ERBB4: variants seen among roughly 807,000 people sequenced by gnomAD.
The protein encoded by ERBB4 is receptor tyrosine-protein kinase erbB-4.
ERBB4 carries 42 observed loss-of-function variants against 158.0 expected under a neutral mutation model. That is an observed-to-expected ratio of 0.27 (90% CI 0.21 to 0.34). The LOEUF (loss-of-function observed/expected upper bound fraction) is 0.34, where lower values mean the gene tolerates loss of function less well. Ranked by LOEUF, ERBB4 falls within the 10% of genes least tolerant of loss-of-function variation. ERBB4 has a pLI of 1.00. For synonymous variants in ERBB4, 583 were observed against 558.7 expected (o/e 1.04, Z -0.61); for missense variants, 1,333 against 1,624.1 (o/e 0.82, Z 3.08).
chr2:211,842,542 A>G (rs1413644157), intron 3 of ERBB4, among the ~76,000 whole-genome samples: 2 of 151,910 alleles, frequency 1.3e-5, no homozygotes, highest in African/African-American at 4.8e-5. Flanking sequence ...AATGTGTACA[A>G]CATAGAATAT....
At chr2:211,870,776 T>C (rs1311362147) in intron 3 of ERBB4, among the ~76,000 whole-genome samples, 3 of 152,138 alleles carry the variant, frequency 2.0e-5, no homozygotes, top group African/African-American at 4.8e-5. Context: ...CAGTGTCTAC[T>C]TGTATGAATT....
At chr2:212,353,178 C>T (rs1292011448) in intron 1 of ERBB4, among the ~76,000 whole-genome samples, 2 of 151,750 alleles carry the variant, frequency 1.3e-5, no homozygotes, top group African/African-American at 2.4e-5. Context: ...GCAATAAATG[C>T]ATGTCCTTAA....
rs145851108 is a variant in ERBB4 at position 212,479,577 on chromosome 2, A to C, written c.82+58872T>G. 9.2e-3 allele frequency among the ~76,000 whole-genome samples: 1,396 copies of C among 152,264 alleles called. 23 individuals are homozygous for C. The highest frequency in any genetic ancestry group is 0.032 in the African/African-American group (1,338 of 41,566). On this transcript the variant is annotated intron_variant, in intron 1 of 27. Coordinates refer to ENST00000342788, the MANE Select transcript of ERBB4 (RefSeq NM_005235.3). ...TCTCTCTTAGTATGAAGGTTCTATT[A>C]ACATCCCTACTTTAATGATTAAAAT...
chr2:211,819,328 G>A (rs983628615), intron 3 of ERBB4, among the ~76,000 whole-genome samples: 5 of 151,810 alleles, frequency 3.3e-5, no homozygotes, highest in Non-Finnish European at 7.4e-5. Context: ...TTAACAGGAA[G>A]ATATAAAAAT....
intron 20 of ERBB4, among the ~76,000 whole-genome samples, chr2:211,541,325 T>A (rs1444029468): frequency 6.6e-6 from 1 of 151,990 alleles, no homozygotes; most frequent in Non-Finnish European, 1.5e-5. Context: ...TTTTTGTGTC[T>A]CCCTAGACTA....
chr2:212,447,788 G>A (rs970209196), intron 1 of ERBB4, among the ~76,000 whole-genome samples: 4 of 151,780 alleles, frequency 2.6e-5, no homozygotes, highest in Non-Finnish European at 4.4e-5. Flanking sequence ...GTGTGTGTGT[G>A]TGTGTGTGTG....
intron 5 of ERBB4, among the ~76,000 whole-genome samples, chr2:211,727,370 T>A (rs2074300898): frequency 6.6e-6 from 1 of 152,114 alleles, no homozygotes; most frequent in Non-Finnish European, 1.5e-5. Flanking sequence ...TCACCCCAAC[T>A]AACCTATGGG....
At chr2:211,843,709 T>G (rs1013533600) in intron 3 of ERBB4, among the ~76,000 whole-genome samples, 3 of 147,844 alleles carry the variant, frequency 2.0e-5, no homozygotes, top group African/African-American at 7.4e-5. Context: ...AGCAAAAAAA[T>G]ATTTTAATGA....
chr2:212,081,711 G>C (rs530301772), intron 2 of ERBB4, among the ~76,000 whole-genome samples: 1 of 152,214 alleles, frequency 6.6e-6, no homozygotes, highest in Admixed American at 6.5e-5. Context: ...CTTGTCAAAT[G>C]GGCACCGACT....
intron 3 of ERBB4, among the ~76,000 whole-genome samples, chr2:211,863,043 A>G (rs1451600700): frequency 6.6e-6 from 1 of 152,062 alleles, no homozygotes; most frequent in Admixed American, 6.5e-5. Context: ...TAAATGCACC[A>G]ATCATCACTC....
intron 4 of ERBB4, among the ~76,000 whole-genome samples, chr2:211,755,729 T>C (rs1246139263): frequency 1.3e-5 from 2 of 152,236 alleles, no homozygotes; most frequent in African/African-American, 4.8e-5. Flanking sequence ...ACTGCATTTA[T>C]GTTTTTAAGA....
At chr2:212,380,802 T>C (rs1401023958) in intron 1 of ERBB4, among the ~76,000 whole-genome samples, 2 of 151,186 alleles carry the variant, frequency 1.3e-5, no homozygotes, top group Non-Finnish European at 3.0e-5. Context: ...TAGCAATTGA[T>C]GACATTTGGT....
Position 211,794,544 on chromosome 2 carries a change from C to T in ERBB4, c.422-6385G>A, listed in dbSNP as rs371225977. 1.1e-3 allele frequency among the ~76,000 whole-genome samples: 168 copies of T among 151,904 alleles called. 2 individuals are homozygous for T. In the South Asian group the frequency reaches 0.033, roughly 30 times the overall value. On this transcript the variant is annotated intron_variant, in intron 3 of 27. Transcript: ENST00000342788. ...TAATGATAACATCCATAGAACATGA[C>T]CAACTTTTGTAAAAAATTACTTGCT...
intron 1 of ERBB4, among the ~76,000 whole-genome samples, chr2:212,193,417 A>G (rs909304944): frequency 6.6e-6 from 1 of 152,028 alleles, no homozygotes; most frequent in African/African-American, 2.4e-5. Flanking sequence ...TGTTTCCCCA[A>G]TTTTCTCTAG....
chr2:212,433,911 T>C (rs1261225554), intron 1 of ERBB4, among the ~76,000 whole-genome samples: 2 of 151,936 alleles, frequency 1.3e-5, no homozygotes, highest in African/African-American at 4.8e-5. Context: ...AATAGTGTCA[T>C]TACATGGAAG....
intron 20 of ERBB4, among the ~76,000 whole-genome samples, chr2:211,543,933 C>T (rs1368742246): frequency 6.6e-6 from 1 of 151,828 alleles, no homozygotes; most frequent in African/African-American, 2.4e-5. Context: ...GGCCAGATAC[C>T]TCAGGGCACC....
rs879342759 is a variant in ERBB4 at position 212,308,365 on chromosome 2, T to C, written c.83-183462A>G. The stretch of plus-strand genomic sequence containing the variant: ...CCTGAATGTATAACACTTCATATTA[T>C]TTAGATACTAGTTATAAATGAATGA... On this transcript the variant is annotated intron_variant, in intron 1 of 27. Transcript: ENST00000342788. 3.3e-5 allele frequency among the ~76,000 whole-genome samples: 5 copies of C among 151,132 alleles called. No homozygotes were observed. In the Admixed American group the frequency reaches 3.3e-4, roughly 10 times the overall value.
intron 3 of ERBB4, among the ~76,000 whole-genome samples, chr2:211,798,685 A>C (rs1015186894): frequency 2.6e-5 from 4 of 152,152 alleles, no homozygotes; most frequent in African/African-American, 9.7e-5. Flanking sequence ...GGGAGAAATG[A>C]TGACCAAATG....
chr2:212,465,013 C>T (rs1316953224), intron 1 of ERBB4, among the ~76,000 whole-genome samples: 1 of 151,958 alleles, frequency 6.6e-6, no homozygotes, highest in Admixed American at 6.6e-5. Context: ...CTGCTCTTGC[C>T]TAGTTCTGCC....
Sources: gnomAD v4.1 joint callset for allele counts (sites outside exome capture counted in the v4.1 genomes callset) on GRCh38, gnomAD v4.1.1 for gene constraint, MANE v1.5 for transcripts, NCBI Gene and HGNC (gene_info 2026-07-23, HGNC 2026-07-21) for gene names.